The following KHDRBS2 variants were observed in gnomAD, a reference collection of about 807,000 sequenced individuals.
KHDRBS2 encodes the protein KH RNA binding domain containing, signal transduction associated 2, also known as KH domain-containing, RNA-binding, signal transduction-associated protein 2.
A neutral mutation model predicts 44.3 loss-of-function variants in KHDRBS2; 26 were observed. The ratio of observed to expected loss-of-function variants is 0.59; its 90% CI spans 0.43 to 0.81. The LOEUF (loss-of-function observed/expected upper bound fraction) is 0.81, where lower values mean the gene tolerates loss of function less well. KHDRBS2 is among the 40% of genes least tolerant of loss of function. KHDRBS2 has a pLI of 0.00. For synonymous variants in KHDRBS2, 194 were observed against 151.1 expected, an observed-to-expected ratio of 1.28 and a Z score of -2.08; for missense variants, 476 against 433.1, an observed-to-expected ratio of 1.10 and a Z score of -0.88.
At chr6:61,854,087 T>A (rs1795826360) in intron 6 of KHDRBS2, among the ~76,000 whole-genome samples, 1 of 152,082 alleles carries the variant, frequency 6.6e-6, no homozygotes, top group Non-Finnish European at 1.5e-5. Flanking sequence ...ACAAAGTTAA[T>A]AAAGAGAAAA....
chr6:61,832,123 A>C (rs1419833903), intron 6 of KHDRBS2, among the ~76,000 whole-genome samples: 1 of 152,120 alleles, frequency 6.6e-6, no homozygotes, highest in Middle Eastern at 3.2e-3. Context: ...GGTCCCAGCG[A>C]CACAGGAGGC....
rs959207310 is a variant in KHDRBS2, at chr6:61,791,331, G to C, written c.811-58567C>G. Among the ~76,000 whole-genome samples, 3 of 150,544 alleles carry C rather than the reference G, an allele frequency of 2.0e-5. No individual in the cohort carries two copies. In the East Asian group the frequency reaches 5.8e-4, roughly 29 times the overall value. On this transcript the variant is annotated intron_variant, in intron 6 of 8. Transcript: ENST00000281156. ...TTTCTTTCAAAAAAATATTTGCTTG[G>C]CTCCTTAAATTTTAGCCTATGTTCT...
At chr6:61,692,826 C>T (rs1488019866) in intron 8 of KHDRBS2, among the ~76,000 whole-genome samples, 3 of 152,066 alleles carry the variant, frequency 2.0e-5, no homozygotes, top group Admixed American at 1.3e-4. Context: ...CCCCACAGTT[C>T]TTCCTGCCAA....
At chr6:61,562,585 C>CT in the KHDRBS2 span, among the ~76,000 whole-genome samples, 2 of 152,054 alleles carry the variant, frequency 1.3e-5, no homozygotes, top group Admixed American at 1.3e-4. Context: ...CCAGATAGGC[C>CT]TTTTGTCAGT....
chr6:61,944,372 A>G (rs9345795), intron 4 of KHDRBS2, among the ~76,000 whole-genome samples: 51,991 of 151,860 alleles, frequency 0.34, 9,064 homozygotes, highest in Middle Eastern at 0.41. Context: ...TTGAACTGAA[A>G]GTTATTATGT....
At chr6:61,667,064 T>C in the KHDRBS2 span, among the ~76,000 whole-genome samples, 1 of 150,752 alleles carries the variant, frequency 6.6e-6, no homozygotes, top group Admixed American at 6.6e-5. Flanking sequence ...GTTCTGGCTT[T>C]TGCAAACCAA....
chr6:61,702,948 G>T (rs1768932655), intron 7 of KHDRBS2, among the ~76,000 whole-genome samples: 1 of 151,724 alleles, frequency 6.6e-6, no homozygotes, highest in African/African-American at 2.4e-5. Flanking sequence ...TTTTAAGTAT[G>T]TGCCACTTCC....
intron 3 of KHDRBS2, among the ~76,000 whole-genome samples, chr6:61,998,642 A>G (rs1777670691): frequency 6.6e-6 from 1 of 152,022 alleles, no homozygotes; most frequent in African/African-American, 2.4e-5. Context: ...TTTCTGGCAT[A>G]TATTTTTAGT....
At chr6:61,837,773 C>A (rs1464111355) in intron 6 of KHDRBS2, among the ~76,000 whole-genome samples, 1 of 151,912 alleles carries the variant, frequency 6.6e-6, no homozygotes, top group African/African-American at 2.4e-5. Flanking sequence ...TGTGAACAAC[C>A]CTCATTTAAC....
chr6:61,672,835 A>G, the KHDRBS2 span, among the ~76,000 whole-genome samples: 1 of 149,814 alleles, frequency 6.7e-6, no homozygotes, highest in African/African-American at 2.4e-5. Context: ...TGCTGTGCAG[A>G]AGCTCTTTAG....
At chr6:61,732,618 T>G (rs559407531) in intron 7 of KHDRBS2, 64 bp downstream of exon 7, 1 of 927,220 alleles carries the variant, frequency 1.1e-6, no homozygotes, top group Non-Finnish European at 1.8e-6. Context: ...GACATTCAGA[T>G]TCAAGAAACA....
intron 8 of KHDRBS2, among the ~76,000 whole-genome samples, chr6:61,685,272 G>A (rs1766699109): frequency 6.6e-6 from 1 of 151,862 alleles, no homozygotes; most frequent in African/African-American, 2.4e-5. Flanking sequence ...AGACTTTCCT[G>A]TGTTAATTAT....
At chr6:61,738,075 G>A (rs114588969) in intron 6 of KHDRBS2, among the ~76,000 whole-genome samples, 8 of 151,846 alleles carry the variant, frequency 5.3e-5, no homozygotes, top group South Asian at 2.1e-4. Flanking sequence ...TACTTTTTCC[G>A]TTTTTGCTTC....
At chr6:62,248,925 G>C (rs1202342188) in intron 1 of KHDRBS2, among the ~76,000 whole-genome samples, 1 of 151,958 alleles carries the variant, frequency 6.6e-6, no homozygotes, top group Non-Finnish European at 1.5e-5. Flanking sequence ...TAAGAACCTG[G>C]GATAGAGAGA....
intron 4 of KHDRBS2, among the ~76,000 whole-genome samples, chr6:61,946,745 T>C (rs1303683326): frequency 2.6e-5 from 4 of 152,132 alleles, no homozygotes; most frequent in African/African-American, 9.7e-5. Flanking sequence ...GAAGTGCCAA[T>C]GGAAGTTAGT....
chr6:61,744,730 T>C (rs867155214), intron 6 of KHDRBS2, among the ~76,000 whole-genome samples: 1 of 152,270 alleles, frequency 6.6e-6, no homozygotes, highest in Middle Eastern at 3.4e-3. Flanking sequence ...TCCTTTTTTT[T>C]CTGGATTCCT....
chr6:61,662,617 G>A, the KHDRBS2 span, among the ~76,000 whole-genome samples: 4 of 152,112 alleles, frequency 2.6e-5, no homozygotes, highest in South Asian at 6.2e-4. Context: ...CTCAAAAGAA[G>A]ACATTTATGC....
intron 3 of KHDRBS2, among the ~76,000 whole-genome samples, chr6:62,011,652 T>G (rs1208711709): frequency 1.3e-5 from 2 of 152,202 alleles, no homozygotes; most frequent in Non-Finnish European, 2.9e-5. Flanking sequence ...CTAGCCCATT[T>G]GCTCCTTCCT....
chr6:62,169,034 C>CATATATAT (rs369570219), intron 2 of KHDRBS2, among the ~76,000 whole-genome samples: 4,316 of 72,402 alleles, frequency 0.06, 258 homozygotes, highest in African/African-American at 0.096. Context: ...GTTCTCCAGT[C>CATATATAT]ATATATATAT....
Sources: allele counts gnomAD v4.1 joint callset (sites outside exome capture counted in the v4.1 genomes callset), GRCh38; gene constraint gnomAD v4.1.1; transcripts MANE v1.5; gene names NCBI Gene and HGNC (gene_info 2026-07-23, HGNC 2026-07-21).